Variants in TENT2 observed in about 807,000 individuals in gnomAD.
The protein encoded by TENT2 is poly(A) RNA polymerase GLD2.
Under a neutral mutation model 72.2 loss-of-function variants are expected in TENT2, and 44 were observed. That is an observed-to-expected ratio of 0.61 (90% CI 0.48 to 0.78). TENT2 has a LOEUF of 0.78. TENT2 is among the 30% of genes least tolerant of loss of function. The probability of loss-of-function intolerance (pLI) is 0.00; values close to 1 mark genes in which losing one functional copy is unlikely to be tolerated. For synonymous variants in TENT2, 212 were observed against 192.5 expected (o/e 1.10, Z -0.84); for missense variants, 541 against 569.6 (o/e 0.95, Z 0.51).
At chr5:79,630,149 T>TA (rs1336177503) in intron 4 of TENT2, among the ~76,000 whole-genome samples, 2 of 151,790 alleles carry the variant, frequency 1.3e-5, no homozygotes, top group East Asian at 1.9e-4. Flanking sequence ...ATACAAAAAT[T>TA]AAAAAAATGC....
At chr5:79,641,476 TGTCATTA>T (rs1784417035) in intron 6 of TENT2, among the ~76,000 whole-genome samples, 1 of 151,604 alleles carries the variant, frequency 6.6e-6, no homozygotes, top group Admixed American at 6.6e-5. Flanking sequence ...TGTTTTGAAA[TGTCATTA>T]GTTTGGATAT....
At chr5:79,662,304 A>G (rs983849889) in intron 11 of TENT2, among the ~76,000 whole-genome samples, 2 of 152,168 alleles carry the variant, frequency 1.3e-5, no homozygotes, top group African/African-American at 4.8e-5. Context: ...AAGTGTTGGC[A>G]TTAACTTCTT....
intron 10 of TENT2, among the ~76,000 whole-genome samples, chr5:79,651,176 T>C (rs1793683358): frequency 6.6e-6 from 1 of 152,038 alleles, no homozygotes; most frequent in African/African-American, 2.4e-5. Context: ...CTTTTGTTTT[T>C]TTTGCAAAGG....
intron 1 of TENT2, among the ~76,000 whole-genome samples, chr5:79,614,522 C>T (rs1005037756): frequency 6.6e-6 from 1 of 152,208 alleles, no homozygotes; most frequent in African/African-American, 2.4e-5. Context: ...TATACTCTTT[C>T]ATGGTCAAGT....
At chr5:79,647,239 A>G (rs533781958) in intron 8 of TENT2, among the ~76,000 whole-genome samples, 1 of 152,182 alleles carries the variant, frequency 6.6e-6, no homozygotes, top group African/African-American at 2.4e-5. Context: ...TGGTTTTTAG[A>G]TAATATAAAT....
rs768766761 is a variant in TENT2, at chr5:79,649,081, G to A, written c.918G>A (p.Pro306=). 2.4e-5 allele frequency: 38 copies of A among 1,613,198 alleles called. No homozygotes were observed. The highest frequency in any genetic ancestry group is 5.3e-5 in the African/African-American group (4 of 74,882). ...TYAYLENRVR[P]LVLVIKKWAS... Reference sequence around the variant, plus strand: ...TTTCAGTTGAAAATCGAGTTCGTCCGTTAGTGCTGGTGATTAAGAAGTGGG... The same window carrying A: ...TTTCAGTTGAAAATCGAGTTCGTCCATTAGTGCTGGTGATTAAGAAGTGGG... Residue 306 remains proline (P), a synonymous_variant, in exon 10 of 15, where the codon CCG becomes CCA. Transcript: ENST00000453514.
chr5:79,668,311 T>G (rs1235503049), intron 11 of TENT2, among the ~76,000 whole-genome samples: 1 of 152,132 alleles, frequency 6.6e-6, no homozygotes, highest in Admixed American at 6.5e-5. Flanking sequence ...CTGCCTTCTT[T>G]GTCTTTTCAA....
chr5:79,627,902 T>A (rs2150108687), intron 4 of TENT2, among the ~76,000 whole-genome samples: 1 of 152,344 alleles, frequency 6.6e-6, no homozygotes, highest in South Asian at 2.1e-4. Flanking sequence ...TAACGTTTAT[T>A]GATGGTTCTT....
chr5:79,677,090 T>A (rs1030281464), intron 12 of TENT2, among the ~76,000 whole-genome samples: 3 of 152,190 alleles, frequency 2.0e-5, no homozygotes, highest in African/African-American at 7.2e-5. Flanking sequence ...AATCTACCTT[T>A]AGAGTACAAA....
At chr5:79,648,980 T>C in intron 9 of TENT2, 82 bp from the exon 10 acceptor site, 3 of 1,427,196 alleles carry the variant, frequency 2.1e-6, no homozygotes, top group Non-Finnish European at 2.9e-6. Context: ...TTCTTTGTTT[T>C]GGTATGGAGC....
chr5:79,642,811 A>C (rs745568964), intron 6 of TENT2, 21 bp from the exon 7 acceptor site: 3 of 1,580,030 alleles, frequency 1.9e-6, no homozygotes, highest in Admixed American at 3.5e-5. Flanking sequence ...ATGAAAAAAC[A>C]CTTTATTTTT....
Position 79,687,167 on chromosome 5 carries a change from G to A in TENT2, c.*1894G>A, listed in dbSNP as rs1028547476. The stretch of plus-strand genomic sequence containing the variant: ...TGTTTTACCACGAAAAACAGATCAA[G>A]AAGTCACTAAACTTAGACCCAATTC... On this transcript the variant is annotated 3_prime_UTR_variant, in exon 15 of 15. Transcript: ENST00000453514. 3.3e-5 allele frequency among the ~76,000 whole-genome samples: 5 copies of A among 152,238 alleles called. No individual in the cohort carries two copies. Among genetic ancestry groups the A allele is most frequent in the Non-Finnish European group, 2.9e-5 (2 of 68,002 alleles).
chr5:79,668,519 A>C (rs1362920109), intron 11 of TENT2, among the ~76,000 whole-genome samples: 2 of 152,156 alleles, frequency 1.3e-5, no homozygotes, highest in Admixed American at 6.5e-5. Context: ...ATGAAGTATA[A>C]CTGCTCCTTG....
At chr5:79,647,721 A>G (rs1790275487) in intron 8 of TENT2, among the ~76,000 whole-genome samples, 1 of 152,204 alleles carries the variant, frequency 6.6e-6, no homozygotes, top group Non-Finnish European at 1.5e-5. Context: ...ATTAGTATTT[A>G]GAAGTTGGGA....
chr5:79,641,241 G>T, intron 6 of TENT2, 45 bp downstream of exon 6: 1 of 1,461,926 alleles, frequency 6.8e-7, no homozygotes, highest in South Asian at 1.4e-5. Context: ...TCATGTTAAT[G>T]AGTTAAGAAA....
chr5:79,616,866 T>C (rs1017154429), intron 1 of TENT2, among the ~76,000 whole-genome samples: 4 of 152,226 alleles, frequency 2.6e-5, no homozygotes, highest in African/African-American at 9.6e-5. Context: ...TGATGGTTCA[T>C]AGAATTTTGT....
chr5:79,648,982 G>A (rs1231722212), intron 9 of TENT2, 80 bp from the exon 10 acceptor site: 1 of 1,442,632 alleles, frequency 6.9e-7, no homozygotes, highest in African/African-American at 1.4e-5. Context: ...CTTTGTTTTG[G>A]TATGGAGCTG....
At chr5:79,615,615 G>A (rs1178031305) in intron 1 of TENT2, among the ~76,000 whole-genome samples, 1 of 152,114 alleles carries the variant, frequency 6.6e-6, no homozygotes, top group Admixed American at 6.5e-5. Context: ...GGGAACCAGA[G>A]TAAAAAAGGC....
chr5:79,627,110 A>C (rs186963778), intron 4 of TENT2, among the ~76,000 whole-genome samples: 1 of 149,112 alleles, frequency 6.7e-6, no homozygotes, highest in African/African-American at 2.5e-5. Context: ...AGCCTGGGCG[A>C]CAGAGTGAGA....
Sources: allele counts gnomAD v4.1 joint callset (sites outside exome capture counted in the v4.1 genomes callset), GRCh38; gene constraint gnomAD v4.1.1; transcripts MANE v1.5; gene names NCBI Gene and HGNC (gene_info 2026-07-23, HGNC 2026-07-21).